STK33: variants seen among roughly 807,000 people sequenced by gnomAD.
STK33 encodes serine/threonine kinase 33.
STK33 carries 52 observed loss-of-function variants against 58.0 expected under a neutral mutation model. That is an observed-to-expected ratio of 0.90 (90% confidence interval 0.72 to 1.13). The LOEUF (loss-of-function observed/expected upper bound fraction) is 1.13, where lower values mean the gene tolerates loss of function less well. Among genes scored for constraint, STK33 ranks in the 50% most tolerant of loss-of-function variants. The probability of loss-of-function intolerance (pLI) is 0.00; values close to 1 mark genes in which losing one functional copy is unlikely to be tolerated. For synonymous variants in STK33, 215 were observed against 200.1 expected, an observed-to-expected ratio of 1.07 and a Z score of -0.63; for missense variants, 630 against 604.2, an observed-to-expected ratio of 1.04 and a Z score of -0.45.
chr11:8,585,009 G>A (rs1475578007), intron 1 of STK33, among the ~76,000 whole-genome samples: 4 of 147,476 alleles, frequency 2.7e-5, no homozygotes, highest in East Asian at 2.0e-4. Context: ...TGCAACCCCC[G>A]CCTCCTGGGT....
intron 11 of STK33, among the ~76,000 whole-genome samples, chr11:8,448,319 T>C (rs1340624676): frequency 2.0e-5 from 3 of 151,852 alleles, no homozygotes; most frequent in Admixed American, 6.6e-5. Context: ...GAGCCCACAT[T>C]GCCAAGTCAA....
chr11:8,487,434 A>AC (rs1431340526), intron 1 of STK33, among the ~76,000 whole-genome samples: 3 of 151,634 alleles, frequency 2.0e-5, no homozygotes, highest in Non-Finnish European at 4.4e-5. Flanking sequence ...AAAAAAAAAA[A>AC]AAAAAAAAGA....
At position 8,408,698 on chromosome 11, in the gene STK33, C is replaced by T. The variant is rs147103798; in HGVS notation, c.1344+4797G>A. On this transcript the variant is annotated intron_variant, in intron 15 of 15. Coordinates refer to ENST00000687296, the MANE Select transcript of STK33 (RefSeq NM_001352389.2). ...CAGGTTCAATGAGTCACTGGGAGGA[C>T]TCACAGGACTTGACATTTATATTCG... Among the ~76,000 whole-genome samples the T allele has an allele frequency of 8.4e-4, 128 of 152,326 alleles. 1 individual carries two copies. The highest frequency in any genetic ancestry group is 2.9e-3 in the African/African-American group (120 of 41,584).
chr11:8,430,900 T>C (rs959173626), intron 14 of STK33, among the ~76,000 whole-genome samples: 10 of 148,268 alleles, frequency 6.7e-5, no homozygotes, highest in Non-Finnish European at 1.3e-4. Context: ...GGAGTCTTGC[T>C]CTGTCACCCA....
At chr11:8,569,551 A>C (rs1957664032) in intron 1 of STK33, among the ~76,000 whole-genome samples, 1 of 152,264 alleles carries the variant, frequency 6.6e-6, no homozygotes, top group Non-Finnish European at 1.5e-5. Flanking sequence ...CTTTCAGGTA[A>C]GTTAAAGATT....
intron 1 of STK33, among the ~76,000 whole-genome samples, chr11:8,511,036 G>A (rs1952277965): frequency 6.6e-6 from 1 of 152,170 alleles, no homozygotes; most frequent in African/African-American, 2.4e-5. Context: ...AATGACAATA[G>A]TATTTTAACG....
chr11:8,357,510 C>T, the STK33 span, among the ~76,000 whole-genome samples: 1 of 152,244 alleles, frequency 6.6e-6, no homozygotes, highest in Non-Finnish European at 1.5e-5. Context: ...GAAGAGGAGG[C>T]AGTGCAGAGC....
chr11:8,339,036 TC>T, the STK33 span, among the ~76,000 whole-genome samples: 2 of 152,068 alleles, frequency 1.3e-5, no homozygotes, highest in South Asian at 4.2e-4. Flanking sequence ...TCCCCATGCA[TC>T]GGCTTGCTAG....
chr11:8,353,017 G>A, the STK33 span, among the ~76,000 whole-genome samples: 2 of 152,198 alleles, frequency 1.3e-5, no homozygotes, highest in African/African-American at 2.4e-5. Flanking sequence ...GCTAGCTGAC[G>A]GGAACATGGA....
At position 8,485,661 on chromosome 11, in the gene STK33, A is replaced by G. The variant is rs910257926; in HGVS notation, c.-465-5047T>C. Among the ~76,000 whole-genome samples the G allele has an allele frequency of 4.6e-5, 7 of 152,342 alleles. No individual in the cohort carries two copies. The East Asian group carries it at 7.7e-4, about 17-fold the overall frequency. ...TGACCAGTTTAATCACTGAATCTCA[A>G]TAGGAAATACAAGGCTAGGCTCACA... On this transcript the variant is annotated intron_variant, in intron 1 of 15. Coordinates refer to ENST00000687296, the MANE Select transcript of STK33 (RefSeq NM_001352389.2).
At chr11:8,519,870 A>T (rs950295889) in intron 1 of STK33, among the ~76,000 whole-genome samples, 1 of 152,194 alleles carries the variant, frequency 6.6e-6, no homozygotes, top group African/African-American at 2.4e-5. Context: ...CAACCAAAAA[A>T]AGTCCAGGAC....
At chr11:8,553,167 A>AATATATATATATATATATATATATAT (rs56363010) in intron 1 of STK33, among the ~76,000 whole-genome samples, 7 of 68,180 alleles carry the variant, frequency 1.0e-4, no homozygotes, top group Admixed American at 2.2e-4. Flanking sequence ...CCAAAAATAA[A>AATATATATATATATATATATATATAT]ATATATATAT....
intron 1 of STK33, among the ~76,000 whole-genome samples, chr11:8,518,064 G>C (rs1302310960): frequency 6.6e-6 from 1 of 152,124 alleles, no homozygotes; most frequent in Non-Finnish European, 1.5e-5. Flanking sequence ...TTGAAATGAA[G>C]GAAAAAATGT....
the STK33 span, among the ~76,000 whole-genome samples, chr11:8,380,115 A>C: frequency 6.6e-6 from 1 of 152,242 alleles, no homozygotes; most frequent in East Asian, 1.9e-4. Context: ...TTTATGACAG[A>C]AAAATTTATA....
At position 8,517,075 on chromosome 11, in the gene STK33, G is replaced by T. The variant is rs368858420; in HGVS notation, c.-465-36461C>A. On this transcript the variant is annotated intron_variant, in intron 1 of 15. Transcript: ENST00000687296. ...CCCCTGAGTAGCCTAACTGGGAAACGCCTCCCAGTAGGGGCCAACTGATAC... is the reference window on the plus strand; with the variant it reads ...CCCCTGAGTAGCCTAACTGGGAAACTCCTCCCAGTAGGGGCCAACTGATAC... Among the ~76,000 whole-genome samples the T allele has an allele frequency of 8.5e-5, 13 of 152,232 alleles. No homozygotes were observed. In the South Asian group the frequency reaches 1.0e-3, roughly 12 times the overall value.
chr11:8,388,049 G>A (rs1001918520), downstream of STK33, among the ~76,000 whole-genome samples: 8 of 152,180 alleles, frequency 5.3e-5, no homozygotes, highest in Non-Finnish European at 7.3e-5. Context: ...AAGCCTGGAC[G>A]GAGACAGGGT....
At chr11:8,466,407 T>C (rs1012389242) in intron 6 of STK33, 8 of 152,186 alleles carry the variant, frequency 5.3e-5, no homozygotes, top group African/African-American at 1.7e-4. Context: ...ACAAAAAGGC[T>C]ACAGGCCCAA....
chr11:8,487,575 T>C (rs1950279250), intron 1 of STK33, among the ~76,000 whole-genome samples: 1 of 152,032 alleles, frequency 6.6e-6, no homozygotes, highest in Non-Finnish European at 1.5e-5. Flanking sequence ...AACATTAACT[T>C]CTAAAGGATA....
chr11:8,553,221 ATATG>A, intron 1 of STK33, among the ~76,000 whole-genome samples: 11 of 109,128 alleles, frequency 1.0e-4, no homozygotes, highest in Admixed American at 2.0e-4. Flanking sequence ...ATATATATAT[ATATG>A]GTGTGTATAT....
Sources: gnomAD v4.1 joint callset for allele counts (sites outside exome capture counted in the v4.1 genomes callset) on GRCh38, gnomAD v4.1.1 for gene constraint, MANE v1.5 for transcripts, NCBI Gene and HGNC (gene_info 2026-07-23, HGNC 2026-07-21) for gene names.